Variants in LNX1 observed in about 807,000 individuals in gnomAD.
LNX1 encodes the protein E3 ubiquitin-protein ligase LNX.
In LNX1, 54 loss-of-function variants were observed where a neutral mutation model predicts 68.4. The observed-to-expected ratio is 0.79, with a 90% confidence interval of 0.63 to 0.99. The LOEUF (loss-of-function observed/expected upper bound fraction) is 0.99, where lower values mean the gene tolerates loss of function less well. Ranked by LOEUF, LNX1 falls within the 50% of genes least tolerant of loss-of-function variation. LNX1 has a pLI of 0.00. For missense variants in LNX1, 906 were observed against 926.4 expected (o/e 0.98, Z 0.29); for synonymous variants, 336 against 350.0 (o/e 0.96, Z 0.45).
At chr4:53,544,332 T>A (rs1013379037) in intron 2 of LNX1, among the ~76,000 whole-genome samples, 1 of 152,186 alleles carries the variant, frequency 6.6e-6, no homozygotes, top group Non-Finnish European at 1.5e-5. Flanking sequence ...TAGCTGGGAC[T>A]ACAGGCGCAT....
chr4:53,643,140 G>A (rs1734749754), intron 1 of LNX1, among the ~76,000 whole-genome samples: 1 of 152,030 alleles, frequency 6.6e-6, no homozygotes, highest in Non-Finnish European at 1.5e-5. Flanking sequence ...GTTGAGTCAA[G>A]AAATCTTGGT....
intron 2 of LNX1, among the ~76,000 whole-genome samples, chr4:53,606,757 C>G (rs1560691824): frequency 6.6e-6 from 1 of 152,142 alleles, no homozygotes; most frequent in Non-Finnish European, 1.5e-5. Context: ...GCTTATCTAC[C>G]ATGATCAAGT....
At chr4:53,582,005 T>C (rs557376105) in intron 1 of LNX1, among the ~76,000 whole-genome samples, 5 of 152,326 alleles carry the variant, frequency 3.3e-5, no homozygotes, top group African/African-American at 9.6e-5. Flanking sequence ...GATTACTGAA[T>C]TTTTCTGCAC....
chr4:53,549,085 G>A (rs1471153095), intron 2 of LNX1, among the ~76,000 whole-genome samples: 2 of 152,154 alleles, frequency 1.3e-5, no homozygotes, highest in Non-Finnish European at 1.5e-5. Flanking sequence ...TAATACCTAT[G>A]TGATGAAATA....
At chr4:53,592,588 T>C (rs1161596426), upstream of LNX1, among the ~76,000 whole-genome samples, 3 of 152,104 alleles carry the variant, frequency 2.0e-5, no homozygotes, top group African/African-American at 7.2e-5. Context: ...CCAGAGAGAA[T>C]TTTTTTTCCC....
At chr4:53,470,005 TCCTGATAACAAAG>T (rs1322289501) in intron 9 of LNX1, among the ~76,000 whole-genome samples, 1 of 152,166 alleles carries the variant, frequency 6.6e-6, no homozygotes, top group Admixed American at 6.5e-5. Context: ...GCCAGCATTA[TCCTGATAACAAAG>T]CCGGGCAGAG....
upstream of LNX1, among the ~76,000 whole-genome samples, chr4:53,621,490 A>G (rs1037516899): frequency 2.0e-5 from 3 of 152,184 alleles, no homozygotes; most frequent in African/African-American, 7.2e-5. Context: ...GTCAATGTTC[A>G]TTTAATGAAA....
chr4:53,567,476 T>C (rs1730780875), intron 2 of LNX1, among the ~76,000 whole-genome samples: 1 of 152,116 alleles, frequency 6.6e-6, no homozygotes, highest in Non-Finnish European at 1.5e-5. Context: ...TACCAGAATC[T>C]CTGGGACGCA....
At chr4:53,605,422 A>AT (rs1035686507) in intron 2 of LNX1, among the ~76,000 whole-genome samples, 1 of 152,034 alleles carries the variant, frequency 6.6e-6, no homozygotes, top group African/African-American at 2.4e-5. Context: ...TACCTTGTGT[A>AT]TGCGTGTATG....
At chr4:53,505,571 C>T (rs751303870) in intron 4 of LNX1, among the ~76,000 whole-genome samples, 5 of 152,020 alleles carry the variant, frequency 3.3e-5, no homozygotes, top group Non-Finnish European at 4.4e-5. Flanking sequence ...GAGAACTTTA[C>T]ATGGAGTGGA....
intron 2 of LNX1, among the ~76,000 whole-genome samples, chr4:53,605,413 A>C (rs150286885): frequency 6.6e-6 from 1 of 151,796 alleles, no homozygotes; most frequent in Non-Finnish European, 1.5e-5. Flanking sequence ...CATGGTAACT[A>C]CCTTGTGTAT....
chr4:53,527,602 C>G (rs915505414), intron 2 of LNX1, among the ~76,000 whole-genome samples: 1 of 152,228 alleles, frequency 6.6e-6, no homozygotes, highest in Non-Finnish European at 1.5e-5. Flanking sequence ...TGCTTTGACT[C>G]TTCTGTACAT....
At chr4:53,499,374 G>T (rs529421346) in intron 4 of LNX1, among the ~76,000 whole-genome samples, 1 of 152,050 alleles carries the variant, frequency 6.6e-6, no homozygotes, top group African/African-American at 2.4e-5. Context: ...GTCCAGGCTG[G>T]TCTTGAAATC....
intron 1 of LNX1, among the ~76,000 whole-genome samples, chr4:53,587,996 T>C (rs1349780251): frequency 6.6e-6 from 1 of 152,246 alleles, no homozygotes; most frequent in East Asian, 1.9e-4. Context: ...GCCCTCAACG[T>C]ACTACCGTTT....
At chr4:53,504,218 T>C in intron 4 of LNX1, among the ~76,000 whole-genome samples, 1 of 152,260 alleles carries the variant, frequency 6.6e-6, no homozygotes, top group African/African-American at 2.4e-5. Context: ...CTGCAGCTTC[T>C]ACAATCAGCA....
At chr4:53,532,278 C>A (rs1004408955) in intron 2 of LNX1, among the ~76,000 whole-genome samples, 10 of 152,096 alleles carry the variant, frequency 6.6e-5, no homozygotes, top group African/African-American at 2.4e-4. Context: ...GAGTTCAAGA[C>A]AAGCTTGGTC....
Position 53,507,474 on chromosome 4 carries a change from G to A in LNX1, c.623-5C>T, listed in dbSNP as rs199956752. Reference sequence around the variant, plus strand: ...TGGATCTCTCAAAGGGCCGTGCTGAGGAATAGCGACAGGAGGAACAGTAGT... The same window carrying A: ...TGGATCTCTCAAAGGGCCGTGCTGAAGAATAGCGACAGGAGGAACAGTAGT... On this transcript the variant is annotated splice_region_variant and splice_polypyrimidine_tract_variant and intron_variant, in intron 3 of 10. Transcript: ENST00000263925. The A allele has an allele frequency of 1.5e-5, 25 of 1,613,350 alleles. No individual in the cohort carries two copies. Among genetic ancestry groups the A allele is most frequent in the Non-Finnish European group, 2.1e-5 (25 of 1,179,590 alleles).
chr4:53,600,984 A>G (rs1732981398), intron 2 of LNX1, among the ~76,000 whole-genome samples: 1 of 148,994 alleles, frequency 6.7e-6, no homozygotes, highest in Admixed American at 6.7e-5. Flanking sequence ...AGGCTGAAGC[A>G]GGAGAATCAC....
intron 2 of LNX1, among the ~76,000 whole-genome samples, chr4:53,532,873 A>G (rs56807203): frequency 0.029 from 4,342 of 151,958 alleles, 213 homozygotes; most frequent in African/African-American, 0.099. Flanking sequence ...GCTGCCCAGG[A>G]AGTTGCTGCC....
Sources: allele counts gnomAD v4.1 joint callset (sites outside exome capture counted in the v4.1 genomes callset), GRCh38; gene constraint gnomAD v4.1.1; transcripts MANE v1.5; gene names NCBI Gene and HGNC (gene_info 2026-07-23, HGNC 2026-07-21).